Variants in TRIP13 observed in about 807,000 individuals in gnomAD.
TRIP13 encodes pachytene checkpoint protein 2 homolog.
TRIP13 carries 25 observed loss-of-function variants against 54.4 expected under a neutral mutation model. The observed-to-expected ratio is 0.46, with a 90% CI of 0.33 to 0.64. The LOEUF is 0.64. Among genes scored for constraint, TRIP13 ranks in the 30% least tolerant of loss-of-function variants. The pLI is 0.02. For synonymous variants in TRIP13, 207 were observed against 207.8 expected, an observed-to-expected ratio of 1.00 and a Z score of 0.03; for missense variants, 373 against 534.2, an observed-to-expected ratio of 0.70 and a Z score of 2.97.
chr5:908,522 G>T lies in TRIP13; in HGVS notation c.866+61G>T. 1.2e-6 allele frequency: 2 copies of T among 1,601,942 alleles called. No homozygotes were observed. ...GATGAGAAGTTTGTCCCAAAGAAAT[G>T]CGTGATACTTGTGCAACCCTAGATC... On this transcript the variant is annotated intron_variant, in intron 9 of 12. Transcript: ENST00000166345. The surrounding 1 kb of genome is among the most constrained non-coding windows in gnomAD (Gnocchi z 5.2).
In TRIP13 at chr5:915,602, C is replaced by G. The variant is rs1368662564; in HGVS notation, c.1134-302C>G. Among the ~76,000 whole-genome samples, 1 of 152,206 alleles carries G rather than the reference C, an allele frequency of 6.6e-6. No homozygotes were observed. The highest frequency in any genetic ancestry group is 2.4e-5 in the African/African-American group (1 of 41,440). Reference sequence around the variant, plus strand: ...CCTTCCCTGAGCACAAGGATGCTGGCCCTGGGGCAGAGCACACAGGTGTGC... The same window carrying G: ...CCTTCCCTGAGCACAAGGATGCTGGGCCTGGGGCAGAGCACACAGGTGTGC... On this transcript the variant is annotated intron_variant, in intron 11 of 12. Transcript: ENST00000166345. This position sits in a 1 kb window ranked among gnomAD's most constrained non-coding sequence, Gnocchi z 4.2.
At chr5:902,733 C>A (rs770859946) in intron 5 of TRIP13, among the ~76,000 whole-genome samples, 37 of 152,206 alleles carry the variant, frequency 2.4e-4, no homozygotes, top group South Asian at 8.3e-4. Flanking sequence ...GGTAGTGGCC[C>A]CGAATGCCAG....
At position 904,134 on chromosome 5, in the gene TRIP13, G is replaced by A. The variant is rs762330196; in HGVS notation, c.536-14G>A. 3.8e-6 allele frequency: 6 copies of A among 1,597,018 alleles called. No homozygotes were observed. In the East Asian group the frequency reaches 1.1e-4, roughly 30 times the overall value. Reference sequence around the variant, plus strand: ...ACTGACTTAAAAATATATTTGCTTGGATCTTTGTCACAGGTCCTCCTGGCA... The same window carrying A: ...ACTGACTTAAAAATATATTTGCTTGAATCTTTGTCACAGGTCCTCCTGGCA... On this transcript the variant is annotated splice_polypyrimidine_tract_variant and intron_variant, in intron 5 of 12. Coordinates refer to ENST00000166345, the MANE Select transcript of TRIP13 (RefSeq NM_004237.4).
chr5:910,316 G>A (rs966222539), intron 9 of TRIP13, among the ~76,000 whole-genome samples: 1 of 152,160 alleles, frequency 6.6e-6, no homozygotes, highest in Non-Finnish European at 1.5e-5. Flanking sequence ...TATGCTGCTG[G>A]CGTCTCTCCG....
At chr5:900,457 C>T (rs565622979) in intron 3 of TRIP13, 37 bp from the exon 4 acceptor site, 3 of 1,612,332 alleles carry the variant, frequency 1.9e-6, no homozygotes, top group East Asian at 2.2e-5. Context: ...AATTGCTTGC[C>T]TTCCTGAAAT....
Position 900,234 on chromosome 5 carries a change from G to A in TRIP13, c.389-260G>A, listed in dbSNP as rs930303196. Among the ~76,000 whole-genome samples the A allele has an allele frequency of 2.6e-5, 4 of 152,346 alleles. No homozygotes were observed. In the South Asian group the frequency reaches 8.3e-4, roughly 32 times the overall value. ...AGACAATTGTGCGTGATAATGAGAC[G>A]TAAAGTGTAATTCTTTGACTCCATC... On this transcript the variant is annotated intron_variant, in intron 3 of 12. Coordinates refer to ENST00000166345, the MANE Select transcript of TRIP13 (RefSeq NM_004237.4).
chr5:907,876 G>A lies in TRIP13; in HGVS notation c.673-112G>A. ...AGGGAGCTTTCTGAGGGGCCGTCAG[G>A]AGACAGTGGGCTTGTGGGGACAACT... On this transcript the variant is annotated intron_variant, in intron 7 of 12. Transcript: ENST00000166345. This position sits in a 1 kb window ranked among gnomAD's most constrained non-coding sequence, Gnocchi z 4.1. 1 of 1,068,398 alleles carries A rather than the reference G, an allele frequency of 9.4e-7. No individual in the cohort carries two copies. The highest frequency in any genetic ancestry group is 1.3e-5 in the South Asian group (1 of 74,728). 66.2% of individuals were successfully genotyped at this position (1,068,398 alleles called of 1,614,324 possible). A position where few individuals can be genotyped will look rare whatever the true frequency, so the allele number is the denominator to read the frequency against.
At chr5:916,792 C>T (rs1055758128) in intron 12 of TRIP13, among the ~76,000 whole-genome samples, 4 of 127,334 alleles carry the variant, frequency 3.1e-5, no homozygotes, top group East Asian at 3.9e-4. Context: ...ATGGCGGGGG[C>T]GGGGGTCACG....
At position 917,776 on chromosome 5, in the gene TRIP13, C is replaced by T. The variant is rs957734856; in HGVS notation, c.*673C>T. ...CACATGCTGGACATCCCTTGTAACC[C>T]GGTATGGGCGCCCCTGCATTGCTGG... On this transcript the variant is annotated 3_prime_UTR_variant, in exon 13 of 13. Transcript: ENST00000166345. The T allele has an allele frequency of 3.3e-5, 5 of 152,174 alleles. No homozygotes were observed. The highest frequency in any genetic ancestry group is 2.1e-4 in the South Asian group (1 of 4,830). The allele number at this position is 152,174 out of a possible 1,614,324, so 9.4% of individuals were successfully genotyped here. A position where few individuals can be genotyped will look rare whatever the true frequency, so the allele number is the denominator to read the frequency against.
rs773267934 is a variant in TRIP13 at position 908,509 on chromosome 5, GT to G, written c.866+49del. On this transcript the variant is annotated intron_variant, in intron 9 of 12. Transcript: ENST00000166345. This position sits in a 1 kb window ranked among gnomAD's most constrained non-coding sequence, Gnocchi z 5.2. ...TTCCCTGAGAAGTGATGAGAAGTTT[GT>G]CCCAAAGAAATGCGTGATACTTGTG... The G allele has an allele frequency of 5.4e-5, 86 of 1,607,464 alleles. No individual in the cohort carries two copies. Among genetic ancestry groups the G allele is most frequent in the Non-Finnish European group, 6.5e-5 (76 of 1,177,680 alleles).
intron 5 of TRIP13, among the ~76,000 whole-genome samples, chr5:902,563 C>T (rs73734405): frequency 0.047 from 7,160 of 152,204 alleles, 525 homozygotes; most frequent in African/African-American, 0.16. Flanking sequence ...TTGGTCACCT[C>T]GCAGCTTCTG....
intron 3 of TRIP13, among the ~76,000 whole-genome samples, chr5:899,994 G>T (rs1753947207): frequency 6.6e-6 from 1 of 152,244 alleles, no homozygotes; most frequent in African/African-American, 2.4e-5. Flanking sequence ...GTCAGTGTGT[G>T]GGGAAACAGG....
At position 908,269 on chromosome 5, in the gene TRIP13, T is replaced by C; in HGVS notation, c.760-86T>C. On this transcript the variant is annotated intron_variant, in intron 8 of 12. Transcript: ENST00000166345. This position sits in a 1 kb window ranked among gnomAD's most constrained non-coding sequence, Gnocchi z 5.2. Reference sequence around the variant, plus strand: ...GGGAACACCCATTCATTCATCTTTTTCACGTGCTCAGCGGGACGTATCCCC... The same window carrying C: ...GGGAACACCCATTCATTCATCTTTTCCACGTGCTCAGCGGGACGTATCCCC... 6.6e-7 allele frequency: 1 copy of C among 1,510,276 alleles called. No homozygotes were observed. Among genetic ancestry groups the C allele is most frequent in the Non-Finnish European group, 9.1e-7 (1 of 1,097,970 alleles). The allele number at this position is 1,510,276 out of a possible 1,614,324, so 93.6% of individuals were successfully genotyped here.
chr5:911,802 C>T lies in TRIP13; in HGVS notation c.867-41C>T. The T allele has an allele frequency of 1.9e-6, 3 of 1,582,334 alleles. No individual in the cohort carries two copies. Among genetic ancestry groups the T allele is most frequent in the Non-Finnish European group, 2.6e-6 (3 of 1,163,308 alleles). ...GGGCAGGATAGAATTGGGTCACCGA[C>T]AGCCGTGATGACTGTGGTGCTTGCT... On this transcript the variant is annotated intron_variant, in intron 9 of 12. Transcript: ENST00000166345. The surrounding 1 kb of genome is among the most constrained non-coding windows in gnomAD (Gnocchi z 4.7).
At chr5:900,666 T>C in intron 4 of TRIP13, 117 bp downstream of exon 4, 1 of 1,029,650 alleles carries the variant, frequency 9.7e-7, no homozygotes, top group East Asian at 2.6e-5. Flanking sequence ...AGCCCCTGTC[T>C]GCTGGCAGCC....
chr5:918,697 C>G (rs7714631), downstream of TRIP13, among the ~76,000 whole-genome samples: 12,362 of 152,182 alleles, frequency 0.081, 728 homozygotes, highest in African/African-American at 0.17. The surrounding 1 kb of genome is among the most constrained non-coding windows in gnomAD (Gnocchi z 4.3). Context: ...TCGCAAGCTT[C>G]AGCAAGGAGA....
In TRIP13 at chr5:900,625, C is replaced by A. The variant is rs979026342; in HGVS notation, c.444+76C>A. The A allele has an allele frequency of 2.0e-6, 3 of 1,516,046 alleles. No homozygotes were observed. The African/African-American group carries it at 4.2e-5, about 21-fold the overall frequency. The allele number at this position is 1,516,046 out of a possible 1,614,324, so 93.9% of individuals were successfully genotyped here. The stretch of plus-strand genomic sequence containing the variant: ...ATTACTGTTTTGCTCTCCAACACCC[C>A]TGAGCAACTTGATGCAGATGGGTTT... On this transcript the variant is annotated intron_variant, in intron 4 of 12. Coordinates refer to ENST00000166345, the MANE Select transcript of TRIP13 (RefSeq NM_004237.4).
rs149427430 is a variant in TRIP13, at chr5:913,241, T to G, written c.1021-1224T>G. 8.5e-5 allele frequency among the ~76,000 whole-genome samples: 13 copies of G among 152,336 alleles called. No individual in the cohort carries two copies. In the East Asian group the frequency reaches 1.5e-3, roughly 18 times the overall value. On this transcript the variant is annotated intron_variant, in intron 10 of 12. Coordinates refer to ENST00000166345, the MANE Select transcript of TRIP13 (RefSeq NM_004237.4). The surrounding 1 kb of genome is among the most constrained non-coding windows in gnomAD (Gnocchi z 4.5). ...GCACCTTCAGTGTGGGTTCCAGCCC[T>G]CGCAGTGTGACGTTTATACACTTGT...
At position 912,797 on chromosome 5, in the gene TRIP13, T is replaced by G. The variant is rs1159770452; in HGVS notation, c.1020+801T>G. ...ACCTGCCCCATGCTTGTGTTTCTGC[T>G]GCTCTAGCCCCTGTGGGAACAGACC... On this transcript the variant is annotated intron_variant, in intron 10 of 12. Transcript: ENST00000166345. This position sits in a 1 kb window ranked among gnomAD's most constrained non-coding sequence, Gnocchi z 7.2. Among the ~76,000 whole-genome samples, 1 of 152,232 alleles carries G rather than the reference T, an allele frequency of 6.6e-6. No homozygotes were observed. The highest frequency in any genetic ancestry group is 1.5e-5 in the Non-Finnish European group (1 of 68,042).
Sources: allele counts gnomAD v4.1 joint callset (sites outside exome capture counted in the v4.1 genomes callset), GRCh38; gene constraint gnomAD v4.1.1; non-coding constraint Gnocchi (gnomAD v3.1); transcripts MANE v1.5; gene names NCBI Gene and HGNC (gene_info 2026-07-23, HGNC 2026-07-21).